HSD17B14: variants seen among roughly 807,000 people sequenced by gnomAD.
HSD17B14 encodes hydroxysteroid 17-beta dehydrogenase 14.
Under a neutral mutation model 32.2 loss-of-function variants are expected in HSD17B14, and 32 were observed. The observed-to-expected ratio is 0.99, with a 90% CI of 0.75 to 1.33. The LOEUF is 1.33. HSD17B14 is among the 40% of genes most tolerant of loss of function. The pLI is 0.00. For missense variants in HSD17B14, 370 were observed against 366.5 expected (o/e 1.01, Z -0.08); for synonymous variants, 140 against 155.4 (o/e 0.90, Z 0.74).
Position 48,836,483 on chromosome 19 carries a change from C to T in HSD17B14, c.-72G>A. The T allele has an allele frequency of 2.0e-6, 3 of 1,496,818 alleles. No individual in the cohort carries two copies. The highest frequency in any genetic ancestry group is 2.8e-6 in the Non-Finnish European group (3 of 1,081,196). The allele number at this position is 1,496,818 out of a possible 1,614,324, so 92.7% of individuals were successfully genotyped here. Reference sequence around the variant, plus strand: ...CCTCCAAAGCCCCGTGAGGCCGTCGCATCAAATCCTCAATAGAGGCTGGAT... The same window carrying T: ...CCTCCAAAGCCCCGTGAGGCCGTCGTATCAAATCCTCAATAGAGGCTGGAT... On this transcript the variant is annotated 5_prime_UTR_variant, in exon 1 of 9. The change abolishes an upstream ATG in the 5' untranslated region. Coordinates refer to ENST00000263278, the MANE Select transcript of HSD17B14 (RefSeq NM_016246.3).
chr19:48,821,674 G>C (rs1389311712), intron 5 of HSD17B14, among the ~76,000 whole-genome samples: 1 of 142,814 alleles, frequency 7.0e-6, no homozygotes, highest in Non-Finnish European at 1.5e-5. Flanking sequence ...TGATAATGAT[G>C]ATGATGGTGA....
intron 2 of HSD17B14, 34 bp downstream of exon 2, chr19:48,835,771 G>T: frequency 2.5e-6 from 4 of 1,612,320 alleles, no homozygotes; most frequent in Non-Finnish European, 3.4e-6. Context: ...GAGGGAGGAA[G>T]GGCCAAGGTG....
intron 5 of HSD17B14, among the ~76,000 whole-genome samples, chr19:48,818,939 G>A (rs2122750179): frequency 6.6e-6 from 1 of 152,280 alleles, no homozygotes; most frequent in South Asian, 2.1e-4. Flanking sequence ...CAGATCACGA[G>A]GCCTTGAAGG....
At chr19:48,816,832 C>CTTTCTTTCTTTTCTTTT (rs1299846573) in intron 5 of HSD17B14, among the ~76,000 whole-genome samples, 3 of 41,280 alleles carry the variant, frequency 7.3e-5, no homozygotes, top group Non-Finnish European at 1.6e-4. Flanking sequence ...TCTTTTCTTT[C>CTTTCTTTCTTTTCTTTT]TCTCTCTCTC....
At position 48,835,818 on chromosome 19, in the gene HSD17B14, G is replaced by A. The variant is rs2035497917; in HGVS notation, c.114C>T (p.Ile38=). The change falls in exon 2 of 9, where the codon ATC becomes ATT. Residue 38 remains isoleucine (I), a synonymous_variant. Coordinates refer to ENST00000263278, the MANE Select transcript of HSD17B14 (RefSeq NM_016246.3). ...AFVNSGARVV[I]CDKDESGGRA... ...ACCGTCACTCACCATCCTTGTCGCAGATAACCACTCGGGCCCCGCTGTTCA... is the reference window on the plus strand; with the variant it reads ...ACCGTCACTCACCATCCTTGTCGCAAATAACCACTCGGGCCCCGCTGTTCA... 3 of 1,613,630 alleles carry A rather than the reference G, an allele frequency of 1.9e-6. No individual in the cohort carries two copies. Among genetic ancestry groups the A allele is most frequent in the Non-Finnish European group, 1.7e-6 (2 of 1,179,730 alleles).
At chr19:48,816,717 A>C (rs2035056622) in intron 5 of HSD17B14, among the ~76,000 whole-genome samples, 1 of 152,124 alleles carries the variant, frequency 6.6e-6, no homozygotes, top group Non-Finnish European at 1.5e-5. Context: ...TGGGAAGCCG[A>C]GGAGGGAGGA....
chr19:48,830,049 A>G (rs1003760931), intron 5 of HSD17B14, among the ~76,000 whole-genome samples: 1 of 151,900 alleles, frequency 6.6e-6, no homozygotes, highest in African/African-American at 2.4e-5. Flanking sequence ...GCTCACTGCA[A>G]CCTCCGCCTC....
intron 5 of HSD17B14, among the ~76,000 whole-genome samples, chr19:48,821,625 A>G (rs900547652): frequency 3.3e-5 from 5 of 151,710 alleles, no homozygotes; most frequent in African/African-American, 1.2e-4. Context: ...GAGAGCTTCT[A>G]TGGGATTTTG....
chr19:48,815,663 A>G (rs537185494), intron 5 of HSD17B14, among the ~76,000 whole-genome samples: 1 of 152,148 alleles, frequency 6.6e-6, no homozygotes, highest in Admixed American at 6.6e-5. Flanking sequence ...GGCACGAGGC[A>G]TCACACCCAG....
At chr19:48,830,772 C>T (rs2035323556) in intron 5 of HSD17B14, among the ~76,000 whole-genome samples, 1 of 152,054 alleles carries the variant, frequency 6.6e-6, no homozygotes, top group African/African-American at 2.4e-5. Context: ...ATCCTCTTGC[C>T]TCGGCCTCCC....
At position 48,836,356 on chromosome 19, in the gene HSD17B14, C is replaced by T. The variant is rs761971089; in HGVS notation, c.56G>A (p.Arg19His). The T allele has an allele frequency of 6.8e-6, 11 of 1,613,802 alleles. No homozygotes were observed. The African/African-American group carries it at 1.1e-4, about 16-fold the overall frequency. Residue 19 changes from arginine (R) to histidine (H), a missense_variant, in exon 1 of 9, where the codon CGC becomes CAC. Coordinates refer to ENST00000263278, the MANE Select transcript of HSD17B14 (RefSeq NM_016246.3). ...GKVVVVTGGGRGIGAGIVRAF... is the reference protein window; with the variant it reads ...GKVVVVTGGGHGIGAGIVRAF... ...GCGCACGATCCCAGCTCCGATGCCG[C>T]GCCCGCCCCCGGTCACGACCACCAC... is the stretch of plus-strand genomic sequence containing the variant.
At chr19:48,835,960 G>A in intron 1 of HSD17B14, 117 bp from the exon 2 acceptor site, 1 of 888,190 alleles carries the variant, frequency 1.1e-6, no homozygotes, top group Non-Finnish European at 1.8e-6. Flanking sequence ...CCAGTCTCAT[G>A]ATCACCCATA....
chr19:48,818,844 A>G (rs1238435650), intron 5 of HSD17B14, among the ~76,000 whole-genome samples: 3 of 152,142 alleles, frequency 2.0e-5, no homozygotes, highest in Non-Finnish European at 4.4e-5. Context: ...TTAAGTGCCA[A>G]GGTTCTGAGA....
chr19:48,813,074 C>G lies in HSD17B14; in HGVS notation c.*101G>C. The G allele has an allele frequency of 1.4e-6, 1 of 705,196 alleles. No individual in the cohort carries two copies. The highest frequency in any genetic ancestry group is 2.2e-5 in the South Asian group (1 of 45,510). 43.7% of individuals were successfully genotyped at this position (705,196 alleles called of 1,614,324 possible). On this transcript the variant is annotated 3_prime_UTR_variant, in exon 9 of 9. Transcript: ENST00000263278. ...GCAGGGTGACCCGGCACCTTGCTAA[C>G]TGGGCTTAGAGTCTAAGGGCTTGGG...
chr19:48,813,935 C>T (rs1044743800), intron 6 of HSD17B14, among the ~76,000 whole-genome samples: 8 of 152,214 alleles, frequency 5.3e-5, no homozygotes, highest in African/African-American at 1.4e-4. Flanking sequence ...GTGGCTCACA[C>T]CTGTAATCCC....
At chr19:48,823,975 C>T (rs1410876030) in intron 5 of HSD17B14, among the ~76,000 whole-genome samples, 3 of 149,516 alleles carry the variant, frequency 2.0e-5, no homozygotes, top group African/African-American at 7.4e-5. Context: ...AACATTGAGG[C>T]CAGGCATGGT....
At chr19:48,814,341 G>A (rs957719165) in intron 6 of HSD17B14, among the ~76,000 whole-genome samples, 15 of 150,894 alleles carry the variant, frequency 9.9e-5, no homozygotes, top group African/African-American at 3.7e-4. Flanking sequence ...CCAACATGGT[G>A]AAATCTCGTC....
intron 5 of HSD17B14, among the ~76,000 whole-genome samples, chr19:48,816,207 T>C (rs922677986): frequency 6.6e-6 from 1 of 152,078 alleles, no homozygotes; most frequent in Non-Finnish European, 1.5e-5. Flanking sequence ...CTTAGAAAGC[T>C]GAGCTGGCCA....
chr19:48,835,687 G>C, intron 2 of HSD17B14, 118 bp downstream of exon 2: 1 of 994,100 alleles, frequency 1.0e-6, no homozygotes, highest in Admixed American at 1.9e-5. Flanking sequence ...TCCTGGGTCT[G>C]AGGAAGTAGG....
Sources: allele counts gnomAD v4.1 joint callset (sites outside exome capture counted in the v4.1 genomes callset), GRCh38; gene constraint gnomAD v4.1.1; transcripts MANE v1.5; gene names NCBI Gene and HGNC (gene_info 2026-07-23, HGNC 2026-07-21).